Variants in VWCE observed in about 807,000 individuals in gnomAD.
The protein encoded by VWCE is von Willebrand factor C and EGF domains.
Under a neutral mutation model 102.9 loss-of-function variants are expected in VWCE, and 68 were observed. The ratio of observed to expected loss-of-function variants is 0.66; its 90% CI spans 0.54 to 0.81. The LOEUF (loss-of-function observed/expected upper bound fraction) is 0.81, where lower values mean the gene tolerates loss of function less well. Ranked by LOEUF, VWCE falls within the 30% of genes least tolerant of loss-of-function variation. The pLI is 0.00. For synonymous variants in VWCE, 497 were observed against 515.4 expected (o/e 0.96, Z 0.48); for missense variants, 1,137 against 1,263.6 (o/e 0.90, Z 1.52).
intron 19 of VWCE, among the ~76,000 whole-genome samples, chr11:61,260,326 T>A (rs913517226): frequency 3.3e-5 from 5 of 151,980 alleles, no homozygotes; most frequent in Non-Finnish European, 7.4e-5. Flanking sequence ...CAGGCTGGAG[T>A]GCAGTGGTGC....
At chr11:61,291,044 G>A (rs576425155) in intron 3 of VWCE, 117 bp from the exon 4 acceptor site, 6 of 1,461,366 alleles carry the variant, frequency 4.1e-6, no homozygotes, top group Non-Finnish European at 5.5e-6. Flanking sequence ...AACAGGCCTG[G>A]GTTTAAATCC....
chr11:61,279,209 C>A (rs1312658613), intron 9 of VWCE, among the ~76,000 whole-genome samples: 1 of 152,136 alleles, frequency 6.6e-6, no homozygotes, highest in Non-Finnish European at 1.5e-5. Flanking sequence ...AAAACCTGGG[C>A]AATAAAGTAC....
chr11:61,278,335 T>G, intron 10 of VWCE, 59 bp downstream of exon 10: 3 of 1,583,972 alleles, frequency 1.9e-6, no homozygotes, highest in Non-Finnish European at 1.7e-6. Context: ...CCCCTTCCTC[T>G]AAAACCCCCA....
rs764741197 is a variant in VWCE, at chr11:61,293,241, C to CAAAAAAAAA, written c.111-1674_111-1666dup. On this transcript the variant is annotated intron_variant, in intron 1 of 19. Coordinates refer to ENST00000335613, the MANE Select transcript of VWCE (RefSeq NM_152718.2). Reference sequence around the variant, plus strand: ...GGGCAACAAGAGCAAAACTCCATCTCAAAAAAAAAAAAAAAAAAAAAAAAA... The same window carrying CAAAAAAAAA: ...GGGCAACAAGAGCAAAACTCCATCTCAAAAAAAAAAAAAAAAAAAAAAAAAAAAAAAAAA... 4.2e-3 allele frequency among the ~76,000 whole-genome samples: 75 copies of CAAAAAAAAA among 18,024 alleles called. 9 individuals carry two copies. The highest frequency in any genetic ancestry group is 0.013 in the African/African-American group (68 of 5,124). 11.8% of individuals were successfully genotyped at this position (18,024 alleles called of 152,430 possible). A position where few individuals can be genotyped will look rare whatever the true frequency, so the allele number is the denominator to read the frequency against.
chr11:61,265,054 A>AG lies in VWCE; in HGVS notation c.2057-17dup. 6.2e-7 allele frequency: 1 copy of AG among 1,613,956 alleles called. No individual in the cohort carries two copies. Among genetic ancestry groups the AG allele is most frequent in the Non-Finnish European group, 8.5e-7 (1 of 1,179,994 alleles). On this transcript the variant is annotated splice_polypyrimidine_tract_variant and intron_variant, in intron 17 of 19. Transcript: ENST00000335613. ...TAGTTGCAGTCTGTGGAGGAAGGGG[A>AG]GACAGGAGCCCATGAGAGCCGAGGC...
chr11:61,285,299 G>GT (rs1565228976), intron 5 of VWCE, among the ~76,000 whole-genome samples: 1 of 152,154 alleles, frequency 6.6e-6, no homozygotes, highest in East Asian at 1.9e-4. Flanking sequence ...AAATAATAAT[G>GT]TAAGATTCAG....
At chr11:61,270,201 G>T (rs918945353) in intron 14 of VWCE, among the ~76,000 whole-genome samples, 4 of 152,160 alleles carry the variant, frequency 2.6e-5, no homozygotes, top group African/African-American at 7.2e-5. Context: ...TTACAGGCGT[G>T]AGCCACCGCG....
rs1399884348 is a variant in VWCE, at chr11:61,264,547, AG to A, written c.2169del (p.Cys724AlafsTer80). ...GCAGGGTCGGCACAGGCCCGCTGGC[AG>A]GGAACCTTCTCACAGCTCACCTCTC... ...QLGEVSCEKV[P>X]CQRACADPAL... On this transcript the variant is annotated frameshift_variant, in exon 19 of 20. Transcript: ENST00000335613. LOFTEE classifies it high-confidence loss of function. The A allele has an allele frequency of 4.3e-6, 7 of 1,612,482 alleles. No homozygotes were observed. The highest frequency in any genetic ancestry group is 1.7e-4 in the Middle Eastern group (1 of 6,058).
Position 61,258,587 on chromosome 11 carries a change from C to G in VWCE, c.*88G>C. On this transcript the variant is annotated 3_prime_UTR_variant, in exon 20 of 20. Coordinates refer to ENST00000335613, the MANE Select transcript of VWCE (RefSeq NM_152718.2). ...GCAGGAGGGAGCCCAGGCATCCCCA[C>G]CAGGTTCATCCTTGGAGCTGCCCTG... 2 of 1,273,878 alleles carry G rather than the reference C, an allele frequency of 1.6e-6. No individual in the cohort carries two copies. Among genetic ancestry groups the G allele is most frequent in the Non-Finnish European group, 2.0e-6 (2 of 996,692 alleles). 78.9% of individuals were successfully genotyped at this position (1,273,878 alleles called of 1,614,324 possible).
At chr11:61,282,928 T>G (rs1565227919) in intron 5 of VWCE, 23 bp from the exon 6 acceptor site, 21 of 1,588,456 alleles carry the variant, frequency 1.3e-5, no homozygotes, top group Non-Finnish European at 1.7e-5. Context: ...GGGACAAGAC[T>G]GGGGTTCATT....
At chr11:61,266,949 C>A (rs1854533570) in intron 16 of VWCE, among the ~76,000 whole-genome samples, 1 of 152,100 alleles carries the variant, frequency 6.6e-6, no homozygotes, top group African/African-American at 2.4e-5. Context: ...GAGGACTTTG[C>A]CAGCCAGGTT....
At chr11:61,278,995 C>T (rs1403231025) in intron 9 of VWCE, among the ~76,000 whole-genome samples, 2 of 151,776 alleles carry the variant, frequency 1.3e-5, no homozygotes, top group African/African-American at 4.8e-5. Flanking sequence ...GCCGAGATCG[C>T]GCCACTGCAC....
intron 19 of VWCE, among the ~76,000 whole-genome samples, chr11:61,261,095 C>A (rs1854343984): frequency 6.6e-6 from 1 of 151,936 alleles, no homozygotes; most frequent in Admixed American, 6.6e-5. Flanking sequence ...TATGGTGGTG[C>A]CTGTAGTCCA....
Position 61,259,039 on chromosome 11 carries a change from G to A in VWCE, c.2504C>T (p.Pro835Leu), listed in dbSNP as rs779937805. The change falls in exon 20 of 20, where the codon CCA (proline) becomes CTA (leucine). Residue 835 changes from proline to leucine, a missense_variant. By Grantham distance (98) the Pro-to-Leu change is moderately conservative. Coordinates refer to ENST00000335613, the MANE Select transcript of VWCE (RefSeq NM_152718.2). ...TCGAGGGGAGGCCCCAGGCTCCCCT[G>A]GGAAAGTGGCTGTCAGCCCCAAAGC... ...SLALGLTATF[P>L]GEPGASPRLS... The A allele has an allele frequency of 1.2e-6, 2 of 1,613,952 alleles. No individual in the cohort carries two copies. The highest frequency in any genetic ancestry group is 1.1e-5 in the South Asian group (1 of 91,082).
In VWCE at chr11:61,286,325, T is replaced by G. The variant is rs767840431; in HGVS notation, c.530A>C (p.His177Pro). The G allele has an allele frequency of 1.2e-6, 2 of 1,608,584 alleles. No individual in the cohort carries two copies. The highest frequency in any genetic ancestry group is 1.1e-5 in the South Asian group (1 of 91,084). Residue 177 changes from histidine (H) to proline (P), a missense_variant, in exon 5 of 20, where the codon CAC becomes CCC. His to Pro is a moderately conservative substitution (Grantham distance 77). Around this residue, in one of 5 missense-constraint regions of VWCE, gnomAD observed 575 missense variants for 625.9 expected, o/e 0.92. Transcript: ENST00000335613. ...TCTCTGCAGCTCACCTTGGCAGCTGTGGCGGTCGGCAGACAGCTGCATGCC... is the reference window on the plus strand; with the variant it reads ...TCTCTGCAGCTCACCTTGGCAGCTGGGGCGGTCGGCAGACAGCTGCATGCC... ...GPGMQLSADR[H>P]SCQDTDECLG... is the part of the protein sequence containing the mutation.
In VWCE at chr11:61,281,794, G is replaced by C; in HGVS notation, c.779C>G (p.Ser260Cys). 6.2e-7 allele frequency: 1 copy of C among 1,612,858 alleles called. No individual in the cohort carries two copies. Among genetic ancestry groups the C allele is most frequent in the South Asian group, 1.1e-5 (1 of 90,814 alleles). Residue 260 changes from serine to cysteine, a missense_variant, in exon 7 of 20, where the codon TCC (serine) becomes TGC (cysteine). This residue lies in a region of VWCE where 575 missense variants were observed against 625.9 expected (regional missense o/e 0.92). Transcript: ENST00000335613. ...AGGGGCCTGGCGCTCACCTTCACAG[G>C]ACACGCGGTCAGCTCGGAGCCTGAA... is the stretch of plus-strand genomic sequence containing the variant. ...PGFRLRADRV[S>C]CEAFPKAVLA...
At chr11:61,287,856 G>A (rs1217851618) in intron 4 of VWCE, among the ~76,000 whole-genome samples, 1 of 151,946 alleles carries the variant, frequency 6.6e-6, no homozygotes, top group Non-Finnish European at 1.5e-5. Flanking sequence ...CTGAAGATAT[G>A]GATTAAGAGG....
At chr11:61,277,574 C>T (rs1442884397) in intron 10 of VWCE, among the ~76,000 whole-genome samples, 17 of 152,142 alleles carry the variant, frequency 1.1e-4, no homozygotes, top group African/African-American at 3.9e-4. Context: ...CACTATACTC[C>T]AGCCTGGGCA....
At chr11:61,282,584 G>T in intron 6 of VWCE, 1 of 556,202 alleles carries the variant, frequency 1.8e-6, no homozygotes, top group Admixed American at 3.1e-5. Flanking sequence ...AGTGGCAAAT[G>T]GCCAGGAAAA....
Sources: gnomAD v4.1 joint callset for allele counts (sites outside exome capture counted in the v4.1 genomes callset) on GRCh38, gnomAD v4.1.1 for gene constraint, gnomAD v4.1.1 regional missense constraint, MANE v1.5 for transcripts, NCBI Gene and HGNC (gene_info 2026-07-23, HGNC 2026-07-21) for gene names.